The following LDB2 variants were observed in gnomAD, a reference collection of about 807,000 sequenced individuals.
LDB2 encodes the protein LIM domain binding 2.
LDB2 carries 12 observed loss-of-function variants against 44.3 expected under a neutral mutation model. The observed-to-expected ratio is 0.27, with a 90% CI of 0.17 to 0.44. LDB2 has a LOEUF of 0.44. Among genes scored for constraint, LDB2 ranks in the 20% least tolerant of loss-of-function variants. LDB2 has a pLI of 1.00. For missense variants in LDB2, 344 were observed against 473.5 expected (o/e 0.73, Z 2.54); for synonymous variants, 164 against 174.8 (o/e 0.94, Z 0.49).
chr4:16,877,950 G>A (rs1718915545), intron 1 of LDB2, among the ~76,000 whole-genome samples: 1 of 150,122 alleles, frequency 6.7e-6, no homozygotes, highest in Admixed American at 6.7e-5. Context: ...GGCAATTGAA[G>A]GAAAACAGAG....
chr4:16,503,519 C>T (rs1488132003), intron 7 of LDB2, among the ~76,000 whole-genome samples: 1 of 152,184 alleles, frequency 6.6e-6, no homozygotes, highest in Non-Finnish European at 1.5e-5. Context: ...AAACAATGTT[C>T]ACACTGATTT....
chr4:16,687,795 T>C (rs1749630250), intron 2 of LDB2, among the ~76,000 whole-genome samples: 1 of 152,140 alleles, frequency 6.6e-6, no homozygotes, highest in African/African-American at 2.4e-5. Flanking sequence ...GAATATGTGA[T>C]TCTAGGAACT....
chr4:16,689,411 C>A (rs1275576814), intron 2 of LDB2, among the ~76,000 whole-genome samples: 4 of 152,198 alleles, frequency 2.6e-5, no homozygotes, highest in Non-Finnish European at 4.4e-5. Context: ...ACTTCCAAAT[C>A]TCTTTATGTA....
intron 2 of LDB2, among the ~76,000 whole-genome samples, chr4:16,749,836 T>G (rs1054819846): frequency 6.6e-6 from 1 of 152,074 alleles, no homozygotes; most frequent in Non-Finnish European, 1.5e-5. Context: ...TTGAAAGCTT[T>G]GTATTTGAAG....
At chr4:16,612,181 A>G (rs1341465928) in intron 2 of LDB2, among the ~76,000 whole-genome samples, 1 of 152,224 alleles carries the variant, frequency 6.6e-6, no homozygotes, top group Non-Finnish European at 1.5e-5. Context: ...ACAAACAGAC[A>G]ATGTACCAGA....
At chr4:16,662,062 G>A (rs1025022969) in intron 2 of LDB2, among the ~76,000 whole-genome samples, 1 of 152,174 alleles carries the variant, frequency 6.6e-6, no homozygotes, top group Non-Finnish European at 1.5e-5. Context: ...TGAAGGAAAA[G>A]AGGGCAACTG....
At chr4:16,543,482 G>A (rs1327291306) in intron 5 of LDB2, among the ~76,000 whole-genome samples, 1 of 152,170 alleles carries the variant, frequency 6.6e-6, no homozygotes, top group East Asian at 1.9e-4. Flanking sequence ...ATGTGAGATG[G>A]TATCTCATTG....
At chr4:16,671,119 A>G (rs1003266703) in intron 2 of LDB2, among the ~76,000 whole-genome samples, 8 of 125,722 alleles carry the variant, frequency 6.4e-5, no homozygotes, top group African/African-American at 1.8e-4. Flanking sequence ...AAAAAAAAAA[A>G]ACAAAAAAAA....
At chr4:16,823,201 A>G (rs1285141094) in intron 1 of LDB2, among the ~76,000 whole-genome samples, 15 of 152,310 alleles carry the variant, frequency 9.8e-5, no homozygotes, top group African/African-American at 3.6e-4. Flanking sequence ...ACATCTGGGG[A>G]TGATTTACAA....
intron 2 of LDB2, among the ~76,000 whole-genome samples, chr4:16,703,642 A>G (rs1753984960): frequency 6.6e-6 from 1 of 152,214 alleles, no homozygotes; most frequent in African/African-American, 2.4e-5. Flanking sequence ...AGTTATTCAG[A>G]CAACTTCTCT....
At chr4:16,715,885 A>C (rs1199340843) in intron 2 of LDB2, among the ~76,000 whole-genome samples, 1 of 152,116 alleles carries the variant, frequency 6.6e-6, no homozygotes, top group Admixed American at 6.6e-5. Flanking sequence ...TCTTCGAGGC[A>C]GACTGAGTGG....
At chr4:16,504,227 G>A (rs1412255006) in intron 7 of LDB2, among the ~76,000 whole-genome samples, 1 of 152,166 alleles carries the variant, frequency 6.6e-6, no homozygotes, top group African/African-American at 2.4e-5. Flanking sequence ...ACAGTAGAAT[G>A]GAATACTGCC....
intron 1 of LDB2, among the ~76,000 whole-genome samples, chr4:16,834,141 C>T (rs1173127043): frequency 1.3e-5 from 2 of 152,306 alleles, no homozygotes; most frequent in East Asian, 3.9e-4. Flanking sequence ...TACTAATGTT[C>T]TGCCTCCTCT....
At chr4:16,887,032 CAAAAAAAAAAA>C (rs371783496) in intron 1 of LDB2, among the ~76,000 whole-genome samples, 10 of 50,460 alleles carry the variant, frequency 2.0e-4, no homozygotes, top group East Asian at 1.1e-3. Flanking sequence ...AACTCCGTCT[CAAAAAAAAAAA>C]AAAAAAAAAA....
At chr4:16,792,682 G>T (rs576104608) in intron 1 of LDB2, among the ~76,000 whole-genome samples, 4 of 152,262 alleles carry the variant, frequency 2.6e-5, no homozygotes, top group Admixed American at 6.5e-5. Flanking sequence ...AATGTGAAAA[G>T]CTGCCATTCC....
intron 5 of LDB2, among the ~76,000 whole-genome samples, chr4:16,578,195 TGGACAAAAGA>T (rs2152412951): frequency 6.6e-6 from 1 of 152,022 alleles, no homozygotes; most frequent in East Asian, 1.9e-4. Context: ...ACCCCAAAAA[TGGACAAAAGA>T]GGTCACATCA....
chr4:16,718,110 G>A (rs946339064), intron 2 of LDB2, among the ~76,000 whole-genome samples: 4 of 151,998 alleles, frequency 2.6e-5, no homozygotes, highest in African/African-American at 4.8e-5. Flanking sequence ...TTTTATTGGT[G>A]GGGGGTAGAG....
At chr4:16,811,869 G>T (rs918115214) in intron 1 of LDB2, among the ~76,000 whole-genome samples, 1 of 152,204 alleles carries the variant, frequency 6.6e-6, no homozygotes. Context: ...TATACAGACA[G>T]AAGGACTATT....
chr4:16,780,081 A>G (rs1250388805), intron 1 of LDB2, among the ~76,000 whole-genome samples: 1 of 152,190 alleles, frequency 6.6e-6, no homozygotes, highest in Non-Finnish European at 1.5e-5. Flanking sequence ...TTAGAAAAAA[A>G]CCTTATGCAG....
Sources: allele counts gnomAD v4.1 joint callset (sites outside exome capture counted in the v4.1 genomes callset), GRCh38; gene constraint gnomAD v4.1.1; transcripts MANE v1.5; gene names NCBI Gene and HGNC (gene_info 2026-07-23, HGNC 2026-07-21).